LRP12: variants seen among roughly 807,000 people sequenced by gnomAD.
The protein encoded by LRP12 is low-density lipoprotein receptor-related protein 12.
A neutral mutation model predicts 66.0 loss-of-function variants in LRP12; 14 were observed. The observed-to-expected ratio is 0.21, with a 90% confidence interval of 0.14 to 0.33. LRP12 has a LOEUF of 0.33. LRP12 is among the 10% of genes least tolerant of loss of function. The pLI is 1.00. For synonymous variants in LRP12, 357 were observed against 359.1 expected, an observed-to-expected ratio of 0.99 and a Z score of 0.07; for missense variants, 889 against 1,053.4, an observed-to-expected ratio of 0.84 and a Z score of 2.16.
chr8:104,559,528 C>T (rs186615636), intron 1 of LRP12, among the ~76,000 whole-genome samples: 46 of 152,020 alleles, frequency 3.0e-4, no homozygotes, highest in Middle Eastern at 3.4e-3. Flanking sequence ...CTGCTTGGGA[C>T]GGGTGCACCA....
intron 1 of LRP12, among the ~76,000 whole-genome samples, chr8:104,577,754 T>A (rs1240075344): frequency 7.1e-6 from 1 of 140,896 alleles, no homozygotes; most frequent in Non-Finnish European, 1.5e-5. Flanking sequence ...GAGCTTGCAG[T>A]GAGCCAAGAC....
rs1283512962 is a variant in LRP12 at position 104,490,149 on chromosome 8, T to A, written c.*524A>T. ...AATTTTTAGACAGTTTGTTTCCCACTGACAAGTTCATATGATAATGAAATC... is the reference window on the plus strand; with the variant it reads ...AATTTTTAGACAGTTTGTTTCCCACAGACAAGTTCATATGATAATGAAATC... On this transcript the variant is annotated 3_prime_UTR_variant, in exon 7 of 7. Transcript: ENST00000276654. 2.0e-5 allele frequency: 3 copies of A among 152,506 alleles called. No individual in the cohort carries two copies. Among genetic ancestry groups the A allele is most frequent in the Non-Finnish European group, 4.4e-5 (3 of 68,026 alleles). The allele number at this position is 152,506 out of a possible 1,614,324, so 9.4% of individuals were successfully genotyped here. A position where few individuals can be genotyped will look rare whatever the true frequency, so the allele number is the denominator to read the frequency against.
chr8:104,565,923 G>A (rs1811993956), intron 1 of LRP12, among the ~76,000 whole-genome samples: 1 of 145,168 alleles, frequency 6.9e-6, no homozygotes, highest in East Asian at 2.2e-4. Context: ...GGGGAAGAAT[G>A]GAAAGACGGA....
At position 104,548,300 on chromosome 8, in the gene LRP12, TAA is replaced by T. The variant is rs1491156999; in HGVS notation, c.80-16339_80-16338del. ...TATATTAATATATCATATATTTATA[TAA>T]TATATATTATATAAATATATAATAT... On this transcript the variant is annotated intron_variant, in intron 1 of 6. Transcript: ENST00000276654. Among the ~76,000 whole-genome samples, 376 of 59,526 alleles carry T rather than the reference TAA, an allele frequency of 6.3e-3. 37 individuals are homozygous for T. Among genetic ancestry groups the T allele is most frequent in the African/African-American group, 0.035 (360 of 10,352 alleles). 39.1% of individuals were successfully genotyped at this position (59,526 alleles called of 152,430 possible). A position where few individuals can be genotyped will look rare whatever the true frequency, so the allele number is the denominator to read the frequency against.
intron 1 of LRP12, among the ~76,000 whole-genome samples, chr8:104,539,015 G>GA (rs1056169110): frequency 6.6e-5 from 10 of 152,152 alleles, no homozygotes; most frequent in Non-Finnish European, 1.2e-4. Context: ...ACTCCAGAAT[G>GA]AAAAACTCTA....
chr8:104,523,867 CAATA>C (rs1248834343), intron 2 of LRP12, among the ~76,000 whole-genome samples: 1 of 152,138 alleles, frequency 6.6e-6, no homozygotes, highest in African/African-American at 2.4e-5. Context: ...CTTACAGTAT[CAATA>C]AATACAGTAG....
chr8:104,493,903 T>C (rs1810679368), intron 6 of LRP12, among the ~76,000 whole-genome samples: 1 of 152,226 alleles, frequency 6.6e-6, no homozygotes, highest in African/African-American at 2.4e-5. Context: ...TTTCCCTTGG[T>C]TAATCTGTGT....
rs1469744438 is a variant in LRP12, at chr8:104,571,589, C to T, written c.79+17230G>A. 2.6e-5 allele frequency among the ~76,000 whole-genome samples: 4 copies of T among 152,254 alleles called. No individual in the cohort carries two copies. In the East Asian group the frequency reaches 5.8e-4, roughly 22 times the overall value. On this transcript the variant is annotated intron_variant, in intron 1 of 6. Coordinates refer to ENST00000276654, the MANE Select transcript of LRP12 (RefSeq NM_013437.5). ...AGAAGGTGCCTTACTTCCCTTTCAC[C>T]TTCCACCATAAGTTTCCTGAGGCCT...
At position 104,581,767 on chromosome 8, in the gene LRP12, C is replaced by T. The variant is rs533358430; in HGVS notation, c.79+7052G>A. ...ACAAAAAAAAAATAATGGGCCTCTA[C>T]ACGAAGAGCACAGCAGTAGACAGAC... On this transcript the variant is annotated intron_variant, in intron 1 of 6. Transcript: ENST00000276654. 7.2e-5 allele frequency among the ~76,000 whole-genome samples: 11 copies of T among 152,228 alleles called. No homozygotes were observed. In the South Asian group the frequency reaches 2.3e-3, roughly 32 times the overall value.
chr8:104,526,387 C>T (rs1257322489), intron 2 of LRP12, among the ~76,000 whole-genome samples: 1 of 151,252 alleles, frequency 6.6e-6, no homozygotes, highest in Non-Finnish European at 1.5e-5. Flanking sequence ...AATCCTAAGC[C>T]AAAAGAACAA....
intron 2 of LRP12, among the ~76,000 whole-genome samples, chr8:104,528,014 A>C (rs1410212772): frequency 6.6e-6 from 1 of 152,176 alleles, no homozygotes; most frequent in Non-Finnish European, 1.5e-5. Flanking sequence ...CAACAGGGTG[A>C]CTATACAGCC....
intron 1 of LRP12, among the ~76,000 whole-genome samples, chr8:104,568,008 C>T (rs1044545661): frequency 6.6e-6 from 1 of 152,166 alleles, no homozygotes; most frequent in Non-Finnish European, 1.5e-5. Flanking sequence ...AATACTCACA[C>T]TTTCTGATTT....
intron 1 of LRP12, among the ~76,000 whole-genome samples, chr8:104,546,988 T>C (rs890110840): frequency 6.9e-6 from 1 of 144,166 alleles, no homozygotes; most frequent in Non-Finnish European, 1.5e-5. Context: ...ATACATTTTG[T>C]ATATAATATA....
At chr8:104,515,853 T>C (rs1811065818) in intron 2 of LRP12, among the ~76,000 whole-genome samples, 1 of 152,218 alleles carries the variant, frequency 6.6e-6, no homozygotes, top group Non-Finnish European at 1.5e-5. Context: ...AGAAGCCTTG[T>C]TAGTCTTTGT....
In LRP12 at chr8:104,588,923, G is replaced by A. The variant is rs181400319; in HGVS notation, c.-26C>T. The A allele has an allele frequency of 2.0e-3, 3,023 of 1,543,672 alleles. 36 individuals carry two copies. The African/African-American group carries it at 0.03, about 16-fold the overall frequency. ...AACCACAGCAGATGGAGAGAGAGAG[G>A]AGGAGACGGAGGAGGAGGGAGGAGA... On this transcript the variant is annotated 5_prime_UTR_variant, in exon 1 of 7. Transcript: ENST00000276654.
intron 1 of LRP12, among the ~76,000 whole-genome samples, chr8:104,579,735 T>G (rs756198527): frequency 6.6e-6 from 1 of 152,076 alleles, no homozygotes; most frequent in Non-Finnish European, 1.5e-5. Context: ...AACAGACACA[T>G]AGACCAATGG....
chr8:104,573,980 G>A (rs755411869), intron 1 of LRP12, among the ~76,000 whole-genome samples: 1 of 152,082 alleles, frequency 6.6e-6, no homozygotes, highest in Non-Finnish European at 1.5e-5. Flanking sequence ...CCCTATGAAT[G>A]AATGCAAAAA....
chr8:104,505,167 T>A (rs969652932), intron 3 of LRP12: 1 of 151,842 alleles, frequency 6.6e-6, no homozygotes, highest in African/African-American at 2.4e-5. Flanking sequence ...ACAGGCAACG[T>A]GCCATCATGC....
intron 2 of LRP12, among the ~76,000 whole-genome samples, chr8:104,519,209 CT>C (rs1164032643): frequency 6.6e-6 from 1 of 152,028 alleles, no homozygotes; most frequent in East Asian, 1.9e-4. Flanking sequence ...GGTTTTCTGA[CT>C]CCTTGGCACC....
Sources: gnomAD v4.1 joint callset for allele counts (sites outside exome capture counted in the v4.1 genomes callset) on GRCh38, gnomAD v4.1.1 for gene constraint, MANE v1.5 for transcripts, NCBI Gene and HGNC (gene_info 2026-07-23, HGNC 2026-07-21) for gene names.